USP38: variants seen among roughly 807,000 people sequenced by gnomAD.
USP38 encodes ubiquitin carboxyl-terminal hydrolase 38.
Under a neutral mutation model 94.3 loss-of-function variants are expected in USP38, and 49 were observed. The observed-to-expected ratio is 0.52, with a 90% CI of 0.41 to 0.66. USP38 has a LOEUF of 0.66. USP38 is among the 30% of genes least tolerant of loss of function. The pLI is 0.00. For synonymous variants in USP38, 468 were observed against 463.6 expected (o/e 1.01, Z -0.12); for missense variants, 1,128 against 1,229.4 (o/e 0.92, Z 1.23).
chr4:143,185,819 C>G lies in USP38; in HGVS notation c.369C>G (p.Leu123=), dbSNP rs1351501194. Residue 123 remains leucine, a synonymous_variant, in exon 1 of 10, where the codon CTC becomes CTG. Transcript: ENST00000307017. The stretch of plus-strand genomic sequence containing the variant: ...TGAGCTGTCCGTCGGTGCTGGATCT[C>G]TTTAGCCTCCTGCAGGTAGAGGTGT... ...LIMSCPSVLD[L]FSLLQVEVLR... 2 of 1,614,104 alleles carry G rather than the reference C, an allele frequency of 1.2e-6. No individual in the cohort carries two copies. The highest frequency in any genetic ancestry group is 1.7e-6 in the Non-Finnish European group (2 of 1,180,056).
chr4:143,211,438 G>T (rs968542712), intron 7 of USP38, among the ~76,000 whole-genome samples: 1 of 152,026 alleles, frequency 6.6e-6, no homozygotes, highest in Admixed American at 6.6e-5. Flanking sequence ...AAGAAAACAG[G>T]CTTACATTAC....
At chr4:143,209,741 AC>A (rs1731971394) in intron 7 of USP38, 84 bp downstream of exon 7, 1 of 774,942 alleles carries the variant, frequency 1.3e-6, no homozygotes, top group Admixed American at 3.2e-5. Flanking sequence ...AACCTTTTTA[AC>A]TGATGAAATA....
chr4:143,199,148 T>C (rs1221132900), intron 4 of USP38, among the ~76,000 whole-genome samples: 1 of 152,152 alleles, frequency 6.6e-6, no homozygotes, highest in Non-Finnish European at 1.5e-5. Flanking sequence ...CTCTCCCCGC[T>C]CAAGTAGACC....
At chr4:143,203,386 G>T in intron 4 of USP38, 22 bp from the exon 5 acceptor site, 1 of 1,600,550 alleles carries the variant, frequency 6.2e-7, no homozygotes, top group Non-Finnish European at 8.5e-7. Context: ...ATTCAGCATT[G>T]TTTATCCTTT....
intron 2 of USP38, among the ~76,000 whole-genome samples, chr4:143,192,647 T>A (rs13139457): frequency 0.6 from 89,193 of 149,866 alleles, 26,731 homozygotes; most frequent in East Asian, 0.82. Flanking sequence ...GTGTCCTCAC[T>A]TGGCAGAAAG....
chr4:143,206,404 A>G (rs1391840955), intron 6 of USP38, among the ~76,000 whole-genome samples, 178 bp downstream of exon 6: 1 of 152,176 alleles, frequency 6.6e-6, no homozygotes. Flanking sequence ...AAATGTTAAC[A>G]TTAGGCTGGG....
chr4:143,213,574 G>T lies in USP38; in HGVS notation c.1605-7G>T. On this transcript the variant is annotated splice_region_variant and splice_polypyrimidine_tract_variant and intron_variant, in intron 8 of 9. Transcript: ENST00000307017. ...AAGTAGCTATATAATGATATCCTCT[G>T]CTGCAGGCTCCATGAAGAAGAAAAG... 1.3e-6 allele frequency: 2 copies of T among 1,591,566 alleles called. No individual in the cohort carries two copies. The highest frequency in any genetic ancestry group is 1.7e-6 in the Non-Finnish European group (2 of 1,171,886).
At chr4:143,217,017 G>A (rs1439593669) in intron 9 of USP38, among the ~76,000 whole-genome samples, 1 of 151,844 alleles carries the variant, frequency 6.6e-6, no homozygotes, top group Non-Finnish European at 1.5e-5. Flanking sequence ...TCACCATGTT[G>A]GCCAGGCTGG....
chr4:143,208,201 A>G (rs914941489), intron 6 of USP38, among the ~76,000 whole-genome samples: 1 of 152,132 alleles, frequency 6.6e-6, no homozygotes, highest in African/African-American at 2.4e-5. Context: ...GTAAATGTGT[A>G]TGCCATCATT....
chr4:143,192,355 G>T (rs1440217168), intron 2 of USP38, among the ~76,000 whole-genome samples: 2 of 151,954 alleles, frequency 1.3e-5, no homozygotes, highest in Non-Finnish European at 2.9e-5. Context: ...GTAGAGATGG[G>T]GTTTCACCAT....
At position 143,186,225 on chromosome 4, in the gene USP38, A is replaced by G. The variant is rs1731221140; in HGVS notation, c.682+93A>G. 22 of 1,339,258 alleles carry G rather than the reference A, an allele frequency of 1.6e-5. No individual in the cohort carries two copies. The South Asian group carries it at 2.9e-4, about 18-fold the overall frequency. The allele number at this position is 1,339,258 out of a possible 1,614,324, so 83.0% of individuals were successfully genotyped here. ...TCACACCATGTTTTCCTCCTGCCCT[A>G]AAAACATTCTTAAGCGAGAGCAAAT... On this transcript the variant is annotated intron_variant, in intron 1 of 9. Transcript: ENST00000307017.
Position 143,206,234 on chromosome 4 carries a change from T to C in USP38, c.1403+8T>C. 1 of 1,556,768 alleles carries C rather than the reference T, an allele frequency of 6.4e-7. No individual in the cohort carries two copies. The highest frequency in any genetic ancestry group is 2.3e-5 in the East Asian group (1 of 43,684). On this transcript the variant is annotated splice_region_variant and intron_variant, in intron 6 of 9. Transcript: ENST00000307017. ...CTTGTTTATGGCCACAGAGTAAGTT[T>C]AAACTTGAATCTTTTCATTTTAACT...
At chr4:143,196,654 C>G (rs987145373) in intron 3 of USP38, among the ~76,000 whole-genome samples, 16 of 152,214 alleles carry the variant, frequency 1.1e-4, no homozygotes, top group Non-Finnish European at 2.2e-4. Context: ...TCAGTGCATA[C>G]TCACAGCATA....
At chr4:143,201,169 G>T (rs1731704462) in intron 4 of USP38, among the ~76,000 whole-genome samples, 1 of 152,106 alleles carries the variant, frequency 6.6e-6, no homozygotes, top group South Asian at 2.1e-4. Context: ...GCGTGGTACT[G>T]GTACAAAAAC....
Position 143,185,623 on chromosome 4 carries a change from G to T in USP38, c.173G>T (p.Arg58Leu), listed in dbSNP as rs1321370364. The T allele has an allele frequency of 1.9e-6, 3 of 1,614,162 alleles. No homozygotes were observed. Among genetic ancestry groups the T allele is most frequent in the East Asian group, 4.5e-5 (2 of 44,866 alleles). ...LILEGQDPFQ[R>L]QVGHQVLEAY... The stretch of plus-strand genomic sequence containing the variant: ...CTGGAGGGCCAGGACCCTTTCCAGC[G>T]GCAGGTGGGGCACCAGGTGCTGGAG... Residue 58 changes from arginine to leucine, a missense_variant, in exon 1 of 10, where the codon CGG becomes CTG. By Grantham distance (102) the Arg-to-Leu change is moderately radical (BLOSUM62 -2). Transcript: ENST00000307017.
At chr4:143,193,158 A>C (rs564241268) in intron 2 of USP38, among the ~76,000 whole-genome samples, 1 of 152,130 alleles carries the variant, frequency 6.6e-6, no homozygotes, top group Non-Finnish European at 1.5e-5. Context: ...CCATATTTAC[A>C]TATATATTCA....
intron 4 of USP38, among the ~76,000 whole-genome samples, chr4:143,201,543 A>C (rs1022509336): frequency 2.0e-5 from 3 of 152,210 alleles, no homozygotes; most frequent in African/African-American, 7.2e-5. Context: ...ACTTGGGCTT[A>C]GGAGTTGCTA....
chr4:143,200,819 A>G (rs1227732059), intron 4 of USP38, among the ~76,000 whole-genome samples: 1 of 152,220 alleles, frequency 6.6e-6, no homozygotes, highest in Non-Finnish European at 1.5e-5. Context: ...ACAGCTAACC[A>G]GGGAGGTGAA....
Position 143,186,078 on chromosome 4 carries a change from C to T in USP38, c.628C>T (p.Pro210Ser). 1 of 1,614,178 alleles carries T rather than the reference C, an allele frequency of 6.2e-7. No individual in the cohort carries two copies. The highest frequency in any genetic ancestry group is 1.7e-5 in the Admixed American group (1 of 60,022). Residue 210 changes from proline (P) to serine (S), a missense_variant, in exon 1 of 10, where the codon CCT becomes TCT. Coordinates refer to ENST00000307017, the MANE Select transcript of USP38 (RefSeq NM_032557.6). ...NLLQNIWKAE[P>S]ATLLPSLQEV... ...GCTGCAGAACATCTGGAAGGCCGAG[C>T]CTGCCACACTACTGCCTTCCCTGCA...
Sources: gnomAD v4.1 joint callset for allele counts (sites outside exome capture counted in the v4.1 genomes callset) on GRCh38, gnomAD v4.1.1 for gene constraint, MANE v1.5 for transcripts, NCBI Gene and HGNC (gene_info 2026-07-23, HGNC 2026-07-21) for gene names.